JAKMIP2: variants seen among roughly 807,000 people sequenced by gnomAD.
JAKMIP2 encodes janus kinase and microtubule-interacting protein 2.
Under a neutral mutation model 115.0 loss-of-function variants are expected in JAKMIP2, and 25 were observed. The observed-to-expected ratio is 0.22, with a 90% CI of 0.16 to 0.30. JAKMIP2 has a LOEUF of 0.30. Among genes scored for constraint, JAKMIP2 ranks in the 10% least tolerant of loss-of-function variants. JAKMIP2 has a pLI of 1.00. For missense variants in JAKMIP2, 642 were observed against 957.6 expected (o/e 0.67, Z 4.35); for synonymous variants, 334 against 343.6 (o/e 0.97, Z 0.31).
intron 1 of JAKMIP2, among the ~76,000 whole-genome samples, chr5:147,745,751 G>A (rs1754326404): frequency 6.6e-6 from 1 of 152,096 alleles, no homozygotes; most frequent in African/African-American, 2.4e-5. Context: ...ACATCATTAG[G>A]ACAATGTTAT....
At chr5:147,665,277 A>C (rs1273078796) in intron 2 of JAKMIP2, among the ~76,000 whole-genome samples, 1 of 152,250 alleles carries the variant, frequency 6.6e-6, no homozygotes, top group Non-Finnish European at 1.5e-5. Context: ...TGTCTAGTCC[A>C]CAAAGCCTAA....
At chr5:147,757,714 A>G (rs1263355526) in intron 1 of JAKMIP2, among the ~76,000 whole-genome samples, 1 of 152,188 alleles carries the variant, frequency 6.6e-6, no homozygotes, top group Admixed American at 6.5e-5. Flanking sequence ...AGTATCAGAC[A>G]TGGTAAGAAT....
At position 147,708,400 on chromosome 5, in the gene JAKMIP2, T is replaced by A. The variant is rs558065606; in HGVS notation, c.-148-36446A>T. Among the ~76,000 whole-genome samples, 10 of 152,262 alleles carry A rather than the reference T, an allele frequency of 6.6e-5. No homozygotes were observed. The South Asian group carries it at 2.1e-3, about 32-fold the overall frequency. On this transcript the variant is annotated intron_variant, in intron 1 of 21. Coordinates refer to ENST00000616793, the MANE Select transcript of JAKMIP2 (RefSeq NM_001270941.2). ...CTGAGATGAGGACTAGGCATCTTCATTTTTAGGAGGCTCCCAGGTCATTCT... is the reference window on the plus strand; with the variant it reads ...CTGAGATGAGGACTAGGCATCTTCAATTTTAGGAGGCTCCCAGGTCATTCT...
Position 147,589,446 on chromosome 5 carries a change from CAAAA to C in JAKMIP2, c.*2257_*2260del, listed in dbSNP as rs33966431. 1.9e-4 allele frequency: 24 copies of C among 126,636 alleles called. No individual in the cohort carries two copies. Among genetic ancestry groups the C allele is most frequent in the Admixed American group, 1.6e-4 (2 of 12,508 alleles). 7.8% of individuals were successfully genotyped at this position (126,636 alleles called of 1,614,324 possible). ...TGGGCAACAGAGCAAGACTCCATCTCAAAAAAAAAAAAAAAAAAGAATACAGCAG... is the reference window on the plus strand; with the variant it reads ...TGGGCAACAGAGCAAGACTCCATCTCAAAAAAAAAAAAAAGAATACAGCAG... On this transcript the variant is annotated 3_prime_UTR_variant, in exon 22 of 22. Transcript: ENST00000616793.
At chr5:147,594,774 A>G (rs911364617) in intron 21 of JAKMIP2, among the ~76,000 whole-genome samples, 1 of 152,170 alleles carries the variant, frequency 6.6e-6, no homozygotes, top group African/African-American at 2.4e-5. Context: ...CACCCTTTAT[A>G]TGCAATTTGT....
chr5:147,781,622 A>G (rs774877916), intron 1 of JAKMIP2, among the ~76,000 whole-genome samples: 1 of 152,244 alleles, frequency 6.6e-6, no homozygotes, highest in African/African-American at 2.4e-5. Context: ...AACGATAGGC[A>G]TCTGTTCCAA....
At chr5:147,623,768 C>T (rs116372806) in intron 16 of JAKMIP2, 79 bp from the exon 17 acceptor site, 315 of 812,502 alleles carry the variant, frequency 3.9e-4, no homozygotes, top group African/African-American at 3.6e-3. Flanking sequence ...TGAGGTGCTC[C>T]GTCTCCTCCC....
intron 1 of JAKMIP2, among the ~76,000 whole-genome samples, chr5:147,760,898 C>T (rs992414247): frequency 3.3e-5 from 5 of 152,044 alleles, no homozygotes; most frequent in African/African-American, 1.2e-4. Flanking sequence ...ATCCATAGCC[C>T]CTAGGTTTCT....
chr5:147,661,415 C>G lies in JAKMIP2; in HGVS notation c.160G>C (p.Glu54Gln). Residue 54 changes from glutamate to glutamine, a missense_variant, in exon 3 of 22, where the codon GAA (glutamate) becomes CAA (glutamine). Physicochemically the swap from Glu to Gln is conservative, Grantham distance 29 (BLOSUM62 2). This residue lies in a region of JAKMIP2 where 439 missense variants were observed against 570.9 expected (regional missense o/e 0.77). Coordinates refer to ENST00000616793, the MANE Select transcript of JAKMIP2 (RefSeq NM_001270941.2). The part of the protein sequence containing the change: ...VSKLEREKTQ[E>Q]AKRIRELEQR... ...TCCAGCTCACGAATCCTCTTCGCTT[C>G]TTGAGTCTTCTCTCTTTCAAGCTTT... 1.2e-6 allele frequency: 2 copies of G among 1,612,880 alleles called. No individual in the cohort carries two copies. The highest frequency in any genetic ancestry group is 8.5e-7 in the Non-Finnish European group (1 of 1,179,730).
intron 1 of JAKMIP2, among the ~76,000 whole-genome samples, chr5:147,693,962 G>C (rs1205215354): frequency 1.3e-5 from 2 of 152,146 alleles, no homozygotes; most frequent in African/African-American, 4.8e-5. Context: ...CAAGAACTTG[G>C]TTGTTGAAGT....
At chr5:147,777,717 C>T (rs1755613249) in intron 1 of JAKMIP2, among the ~76,000 whole-genome samples, 2 of 152,098 alleles carry the variant, frequency 1.3e-5, no homozygotes, top group South Asian at 2.1e-4. Flanking sequence ...CCCATTTTTA[C>T]TGCAAGCTAA....
intron 1 of JAKMIP2, among the ~76,000 whole-genome samples, chr5:147,699,942 C>T (rs150513375): frequency 2.0e-5 from 3 of 152,334 alleles, no homozygotes; most frequent in East Asian, 1.9e-4. Context: ...TGAAGCCTCA[C>T]GTCATCCTTC....
chr5:147,726,505 T>A (rs955760653), intron 1 of JAKMIP2, among the ~76,000 whole-genome samples: 1 of 152,202 alleles, frequency 6.6e-6, no homozygotes, highest in Admixed American at 6.5e-5. Flanking sequence ...AAAATAACTG[T>A]TCATCCCCTC....
chr5:147,617,842 C>G, intron 19 of JAKMIP2, 69 bp downstream of exon 19: 1 of 1,251,434 alleles, frequency 8.0e-7, no homozygotes, highest in Non-Finnish European at 1.2e-6. Flanking sequence ...ATACTCAATA[C>G]CGTGTACCTA....
intron 21 of JAKMIP2, among the ~76,000 whole-genome samples, chr5:147,595,698 T>C (rs899521313): frequency 2.0e-5 from 3 of 152,222 alleles, no homozygotes; most frequent in African/African-American, 7.2e-5. Flanking sequence ...CCTTTTGAAC[T>C]GTAAAGCAAG....
chr5:147,690,584 T>TATAC (rs1491521047), intron 1 of JAKMIP2, among the ~76,000 whole-genome samples: 13 of 98,354 alleles, frequency 1.3e-4, no homozygotes, highest in African/African-American at 4.2e-4. Flanking sequence ...TATATATATA[T>TATAC]GCACATATGC....
At chr5:147,724,791 G>T (rs1436220605) in intron 1 of JAKMIP2, among the ~76,000 whole-genome samples, 1 of 152,192 alleles carries the variant, frequency 6.6e-6, no homozygotes, top group Non-Finnish European at 1.5e-5. Flanking sequence ...TCAGGAGATT[G>T]ATGTTTTCTT....
At chr5:147,699,446 A>C (rs375393031) in intron 1 of JAKMIP2, among the ~76,000 whole-genome samples, 2 of 152,210 alleles carry the variant, frequency 1.3e-5, no homozygotes, top group African/African-American at 4.8e-5. Flanking sequence ...GTGAAAAAAA[A>C]ACAATTAGAG....
chr5:147,686,563 T>C (rs764319892), intron 1 of JAKMIP2, among the ~76,000 whole-genome samples: 2 of 152,182 alleles, frequency 1.3e-5, no homozygotes, highest in Non-Finnish European at 2.9e-5. Context: ...CAGTGCCTCA[T>C]AGTAGAAACT....
Sources: gnomAD v4.1 joint callset for allele counts (sites outside exome capture counted in the v4.1 genomes callset) on GRCh38, gnomAD v4.1.1 for gene constraint, gnomAD v4.1.1 regional missense constraint, MANE v1.5 for transcripts, NCBI Gene and HGNC (gene_info 2026-07-23, HGNC 2026-07-21) for gene names.